The following TBCE variants were observed in gnomAD, a reference collection of about 807,000 sequenced individuals.
The protein encoded by TBCE is tubulin-specific chaperone E.
A neutral mutation model predicts 77.0 loss-of-function variants in TBCE; 53 were observed. The ratio of observed to expected loss-of-function variants is 0.69; its 90% CI spans 0.55 to 0.87. TBCE has a LOEUF of 0.87. TBCE is among the 40% of genes least tolerant of loss of function. The pLI is 0.00. For synonymous variants in TBCE, 235 were observed against 241.3 expected, an observed-to-expected ratio of 0.97 and a Z score of 0.24; for missense variants, 624 against 622.4, an observed-to-expected ratio of 1.00 and a Z score of -0.03.
At chr1:235,439,299 A>G (rs370891364) in intron 13 of TBCE, among the ~76,000 whole-genome samples, 6,620 of 147,396 alleles carry the variant, frequency 0.045, 292 homozygotes, top group African/African-American at 0.11. Context: ...AGACCATCCT[A>G]GCTAACACGG....
intron 15 of TBCE, among the ~76,000 whole-genome samples, chr1:235,446,716 C>T (rs111835209): frequency 0.02 from 2,798 of 142,578 alleles, 34 homozygotes; most frequent in Middle Eastern, 0.043. Flanking sequence ...TTTTTTGAGA[C>T]AGGTTCTCAC....
intron 1 of TBCE, among the ~76,000 whole-genome samples, chr1:235,377,755 G>T (rs757576086): frequency 1.1e-4 from 16 of 151,532 alleles, no homozygotes; most frequent in Non-Finnish European, 2.2e-4. Context: ...GGGTTCAAGC[G>T]ATTCTCCTGC....
chr1:235,395,491 C>A (rs1678666643), intron 2 of TBCE, among the ~76,000 whole-genome samples: 1 of 151,414 alleles, frequency 6.6e-6, no homozygotes, highest in Non-Finnish European at 1.5e-5. Flanking sequence ...CATTCCCACT[C>A]TCTCCCCCTG....
At chr1:235,388,087 A>G (rs1477994672) in intron 2 of TBCE, among the ~76,000 whole-genome samples, 1 of 152,152 alleles carries the variant, frequency 6.6e-6, no homozygotes, top group Non-Finnish European at 1.5e-5. Flanking sequence ...ATGTTTAATG[A>G]ATAATTACTG....
intron 1 of TBCE, among the ~76,000 whole-genome samples, chr1:235,375,972 C>T (rs897110891): frequency 6.6e-6 from 1 of 152,084 alleles, no homozygotes; most frequent in Admixed American, 6.6e-5. Flanking sequence ...CGCTTGAACC[C>T]GGGCGGTGGA....
In TBCE at chr1:235,376,228, C is replaced by G. The variant is rs140714729; in HGVS notation, c.-31-3791C>G. On this transcript the variant is annotated intron_variant, in intron 1 of 16. Transcript: ENST00000642610. ...TGTGAAGGAATTCATGAGTTACCTA[C>G]AGATGTTAGATTAATAATGAGAATG... 3.7e-3 allele frequency among the ~76,000 whole-genome samples: 560 copies of G among 152,250 alleles called. 2 individuals are homozygous for G. Among genetic ancestry groups the G allele is most frequent in the Middle Eastern group, 0.024 (7 of 294 alleles).
chr1:235,388,013 A>G (rs1678132284), intron 2 of TBCE, among the ~76,000 whole-genome samples: 1 of 152,194 alleles, frequency 6.6e-6, no homozygotes, highest in South Asian at 2.1e-4. Context: ...AGTCTTTAAC[A>G]TATACCTAAT....
At chr1:235,440,748 G>A (rs1371563373) in intron 13 of TBCE, 3 of 152,126 alleles carry the variant, frequency 2.0e-5, no homozygotes, top group Non-Finnish European at 2.9e-5. Context: ...AGGAAAGTTC[G>A]TATGAGTGTA....
At chr1:235,387,612 G>T (rs1678104212) in intron 2 of TBCE, among the ~76,000 whole-genome samples, 1 of 152,176 alleles carries the variant, frequency 6.6e-6, no homozygotes, top group African/African-American at 2.4e-5. Context: ...CCAGGTGCGG[G>T]ATATAATCTC....
intron 2 of TBCE, among the ~76,000 whole-genome samples, chr1:235,394,418 CTTTTTTTTTTTTTT>C (rs386370043): frequency 1.4e-5 from 1 of 72,314 alleles, no homozygotes; most frequent in Admixed American, 2.3e-4. Flanking sequence ...TTGATAATTT[CTTTTTTTTTTTTTT>C]TTTTTTTTTT....
intron 3 of TBCE, among the ~76,000 whole-genome samples, chr1:235,408,566 G>A (rs1679597594): frequency 1.3e-5 from 2 of 152,032 alleles, no homozygotes; most frequent in South Asian, 2.1e-4. Context: ...TTGTGTCAAC[G>A]CAAAAGCAGT....
At chr1:235,396,954 GTTTA>G (rs143979836) in intron 2 of TBCE, among the ~76,000 whole-genome samples, 8,691 of 148,416 alleles carry the variant, frequency 0.059, 432 homozygotes, top group African/African-American at 0.14. Context: ...TTTGTTGATT[GTTTA>G]TTTATTTATT....
In TBCE at chr1:235,437,601, C is replaced by A. The variant is rs532351339; in HGVS notation, c.1116+127C>A. The A allele has an allele frequency of 1.4e-4, 164 of 1,136,138 alleles. No individual in the cohort carries two copies. In the African/African-American group the frequency reaches 2.3e-3, roughly 16 times the overall value. The allele number at this position is 1,136,138 out of a possible 1,614,324, so 70.4% of individuals were successfully genotyped here. On this transcript the variant is annotated intron_variant, in intron 12 of 16. Coordinates refer to ENST00000642610, the MANE Select transcript of TBCE (RefSeq NM_003193.5). ...CTGGGGCAGGCTGATCGCTGCAGTC[C>A]AGGAGTTTGAGACCAGCCTGGGCAA... is the stretch of plus-strand genomic sequence containing the variant.
chr1:235,443,110 CTAACTT>C (rs1163629604), intron 15 of TBCE, 199 bp downstream of exon 15: 2 of 602,850 alleles, frequency 3.3e-6, no homozygotes, highest in Non-Finnish European at 5.9e-6. Context: ...CAGGTCTCCC[CTAACTT>C]TATCAGCTGA....
intron 2 of TBCE, among the ~76,000 whole-genome samples, chr1:235,380,388 A>C (rs1235076679): frequency 6.6e-6 from 1 of 152,114 alleles, no homozygotes; most frequent in Non-Finnish European, 1.5e-5. Context: ...TAGTGTTGCT[A>C]TCTTATATAA....
At chr1:235,429,438 T>C (rs1680959461) in intron 6 of TBCE, 2 of 152,346 alleles carry the variant, frequency 1.3e-5, no homozygotes, top group South Asian at 2.1e-4. Flanking sequence ...ATCTTATTTT[T>C]AGCCTGACCG....
intron 6 of TBCE, among the ~76,000 whole-genome samples, chr1:235,428,811 T>C (rs1680899267): frequency 6.7e-6 from 1 of 150,274 alleles, no homozygotes; most frequent in Non-Finnish European, 1.5e-5. Flanking sequence ...GCCCAACTAA[T>C]TTTTGTGTTT....
At chr1:235,428,049 G>A (rs1680832877) in intron 6 of TBCE, among the ~76,000 whole-genome samples, 1 of 151,064 alleles carries the variant, frequency 6.6e-6, no homozygotes, top group South Asian at 2.1e-4. Context: ...CAAGGGCCAG[G>A]CGCAGTGGCT....
At chr1:235,439,482 C>T (rs1489756821) in intron 13 of TBCE, among the ~76,000 whole-genome samples, 3 of 151,564 alleles carry the variant, frequency 2.0e-5, no homozygotes, top group Non-Finnish European at 4.4e-5. Flanking sequence ...GGCGACAGAA[C>T]GAGACTCCGT....
Sources: allele counts gnomAD v4.1 joint callset (sites outside exome capture counted in the v4.1 genomes callset), GRCh38; gene constraint gnomAD v4.1.1; transcripts MANE v1.5; gene names NCBI Gene and HGNC (gene_info 2026-07-23, HGNC 2026-07-21).